The following ZNF652 variants were observed in gnomAD, a reference collection of about 807,000 sequenced individuals.
The protein encoded by ZNF652 is zinc finger protein 652.
In ZNF652, 16 loss-of-function variants were observed where a neutral mutation model predicts 45.2. That is an observed-to-expected ratio of 0.35 (90% CI 0.24 to 0.54). The LOEUF is 0.54. ZNF652 is among the 20% of genes least tolerant of loss of function. The probability of loss-of-function intolerance (pLI) is 0.91; values close to 1 mark genes in which losing one functional copy is unlikely to be tolerated. For synonymous variants in ZNF652, 250 were observed against 260.6 expected, an observed-to-expected ratio of 0.96 and a Z score of 0.39; for missense variants, 614 against 765.6, an observed-to-expected ratio of 0.80 and a Z score of 2.34.
chr17:49,321,135 C>T (rs148409754), intron 1 of ZNF652, among the ~76,000 whole-genome samples: 2,430 of 152,222 alleles, frequency 0.016, 39 homozygotes, highest in Middle Eastern at 0.054. Flanking sequence ...CATTTACTAA[C>T]CAATATAAAA....
intron 1 of ZNF652, chr17:49,361,231 G>C (rs1357898375): frequency 2.0e-5 from 3 of 152,190 alleles, no homozygotes; most frequent in Middle Eastern, 6.3e-3. Flanking sequence ...GGTGAGGCAG[G>C]GGCATTTATC....
chr17:49,316,159 C>T (rs1259493074), intron 2 of ZNF652, among the ~76,000 whole-genome samples: 1 of 152,208 alleles, frequency 6.6e-6, no homozygotes, highest in Admixed American at 6.5e-5. Context: ...ATAGTCCTTT[C>T]ACGACAACAG....
intron 2 of ZNF652, among the ~76,000 whole-genome samples, chr17:49,315,030 G>C (rs546386577): frequency 7.0e-6 from 1 of 142,964 alleles, no homozygotes; most frequent in African/African-American, 2.6e-5. Context: ...CCTTAGGGGA[G>C]GGTTTTAGTT....
rs35063586 is a variant in ZNF652 at position 49,307,586 on chromosome 17, C to CAAA, written c.1309+3723_1309+3725dup. Among the ~76,000 whole-genome samples, 280 of 123,540 alleles carry CAAA rather than the reference C, an allele frequency of 2.3e-3. 2 individuals carry two copies. The highest frequency in any genetic ancestry group is 7.9e-3 in the African/African-American group (262 of 33,266). 81.0% of individuals were successfully genotyped at this position (123,540 alleles called of 152,430 possible). On this transcript the variant is annotated intron_variant, in intron 5 of 5. Coordinates refer to ENST00000430262, the MANE Select transcript of ZNF652 (RefSeq NM_001145365.3). ...GAAACCCCCATCTCTACTAAAAATA[C>CAAA]AAAAAAAAAAAAAAAATAGGCTGGG...
At chr17:49,357,302 A>C (rs2070348130) in intron 1 of ZNF652, among the ~76,000 whole-genome samples, 1 of 151,894 alleles carries the variant, frequency 6.6e-6, no homozygotes, top group Non-Finnish European at 1.5e-5. Flanking sequence ...CTGTCTCAAA[A>C]AAAAAAAAAA....
In ZNF652 at chr17:49,321,294, C is replaced by T. The variant is rs188987412; in HGVS notation, c.-258-3311G>A. 1.4e-3 allele frequency among the ~76,000 whole-genome samples: 216 copies of T among 151,992 alleles called. 1 individual carries two copies. The highest frequency in any genetic ancestry group is 4.5e-3 in the Admixed American group (69 of 15,254). On this transcript the variant is annotated intron_variant, in intron 1 of 5. Coordinates refer to ENST00000430262, the MANE Select transcript of ZNF652 (RefSeq NM_001145365.3). Reference sequence around the variant, plus strand: ...TTTGTTTTGTTTTGAGACAGAATCTCACTCTGTCACCCAGGCTGGAGTGCT... The same window carrying T: ...TTTGTTTTGTTTTGAGACAGAATCTTACTCTGTCACCCAGGCTGGAGTGCT...
At chr17:49,359,060 G>A (rs569081743) in intron 1 of ZNF652, among the ~76,000 whole-genome samples, 2 of 152,240 alleles carry the variant, frequency 1.3e-5, no homozygotes, top group South Asian at 2.1e-4. Context: ...GTTTAACTAG[G>A]TAAGTGACTG....
chr17:49,354,971 C>T (rs2070320584), intron 1 of ZNF652, among the ~76,000 whole-genome samples: 1 of 152,024 alleles, frequency 6.6e-6, no homozygotes, highest in Admixed American at 6.6e-5. Context: ...AGTGATCTGC[C>T]CACCTCAGCC....
chr17:49,340,175 G>T (rs1192563103), intron 1 of ZNF652, among the ~76,000 whole-genome samples: 1 of 152,170 alleles, frequency 6.6e-6, no homozygotes, highest in Non-Finnish European at 1.5e-5. Flanking sequence ...AACACTTTAG[G>T]AGGCCGAGGC....
At chr17:49,360,726 C>T (rs1233409413) in intron 1 of ZNF652, among the ~76,000 whole-genome samples, 1 of 152,034 alleles carries the variant, frequency 6.6e-6, no homozygotes, top group Admixed American at 6.6e-5. Context: ...ATTCCCAGAA[C>T]AATACGGGCC....
rs770176255 is a variant in ZNF652, at chr17:49,317,516, C to T, written c.210G>A (p.Pro70=). ...GCTGTTCTTCTGTTTCATGGAGATG[C>T]GGTTTGCTCATCTTGGTGTCCACTA... is the stretch of plus-strand genomic sequence containing the variant. ...SVLVDTKMSK[P]HLHETEEQPY... The change falls in exon 2 of 6, where the codon CCG becomes CCA. Residue 70 remains proline (P), a synonymous_variant. Transcript: ENST00000430262. 1.7e-5 allele frequency: 28 copies of T among 1,613,950 alleles called. No homozygotes were observed. The Middle Eastern group carries it at 8.2e-4, about 47-fold the overall frequency.
chr17:49,347,034 G>C (rs2070211886), intron 1 of ZNF652, among the ~76,000 whole-genome samples: 1 of 152,196 alleles, frequency 6.6e-6, no homozygotes, highest in Non-Finnish European at 1.5e-5. Flanking sequence ...GGCAAAGATA[G>C]GACAACTGAG....
At chr17:49,309,885 C>G (rs1030549524) in intron 5 of ZNF652, among the ~76,000 whole-genome samples, 1 of 152,086 alleles carries the variant, frequency 6.6e-6, no homozygotes. Context: ...CTAAAGAGAT[C>G]CAGCCATGGG....
At chr17:49,319,854 G>A (rs150384154) in intron 1 of ZNF652, among the ~76,000 whole-genome samples, 2 of 152,036 alleles carry the variant, frequency 1.3e-5, no homozygotes, top group African/African-American at 4.8e-5. Context: ...TGTTACCCAG[G>A]CTGGTGGGAC....
chr17:49,318,595 A>G (rs1446093732), intron 1 of ZNF652, among the ~76,000 whole-genome samples: 1 of 152,236 alleles, frequency 6.6e-6, no homozygotes, highest in African/African-American at 2.4e-5. Flanking sequence ...ATAATATTGC[A>G]CAGCATTCAT....
intron 1 of ZNF652, 22 bp downstream of exon 1, chr17:49,361,886 TG>T (rs1283869612): frequency 6.7e-6 from 1 of 150,128 alleles, no homozygotes; most frequent in African/African-American, 2.4e-5. Flanking sequence ...GGCGAGTGCG[TG>T]GGGGAAGGGG....
intron 1 of ZNF652, among the ~76,000 whole-genome samples, chr17:49,346,368 T>C (rs1007254397): frequency 6.6e-6 from 1 of 152,232 alleles, no homozygotes; most frequent in African/African-American, 2.4e-5. Context: ...CTGGCCAATG[T>C]GGCAAAACCC....
chr17:49,347,933 T>C (rs980193361), intron 1 of ZNF652, among the ~76,000 whole-genome samples: 6 of 151,838 alleles, frequency 4.0e-5, no homozygotes, highest in Non-Finnish European at 8.8e-5. Context: ...TTTGTAGAGA[T>C]GGGGATCTCA....
intron 1 of ZNF652, among the ~76,000 whole-genome samples, chr17:49,336,875 C>T (rs920365944): frequency 2.0e-5 from 3 of 151,290 alleles, no homozygotes; most frequent in Non-Finnish European, 4.4e-5. Flanking sequence ...CCACCTCAGC[C>T]TCCCAAAATG....
Sources: allele counts gnomAD v4.1 joint callset (sites outside exome capture counted in the v4.1 genomes callset), GRCh38; gene constraint gnomAD v4.1.1; transcripts MANE v1.5; gene names NCBI Gene and HGNC (gene_info 2026-07-23, HGNC 2026-07-21).